Variants in RPS6KA5 observed in about 807,000 individuals in gnomAD.
RPS6KA5 encodes ribosomal protein S6 kinase alpha-5.
RPS6KA5 carries 27 observed loss-of-function variants against 85.5 expected under a neutral mutation model. That is an observed-to-expected ratio of 0.32 (90% CI 0.23 to 0.44). The LOEUF (loss-of-function observed/expected upper bound fraction) is 0.44, where lower values mean the gene tolerates loss of function less well. Ranked by LOEUF, RPS6KA5 falls within the 20% of genes least tolerant of loss-of-function variation. The pLI is 1.00. For synonymous variants in RPS6KA5, 334 were observed against 348.2 expected (o/e 0.96, Z 0.46); for missense variants, 811 against 980.9 (o/e 0.83, Z 2.31).
At chr14:90,896,839 G>T (rs1334739020) in intron 12 of RPS6KA5, among the ~76,000 whole-genome samples, 1 of 152,040 alleles carries the variant, frequency 6.6e-6, no homozygotes, top group Non-Finnish European at 1.5e-5. Flanking sequence ...TCCCACCTCA[G>T]CCTCCAGAGT....
rs547724965 is a variant in RPS6KA5, at chr14:90,869,319, A to G, written c.*2755T>C. 3 of 152,268 alleles carry G rather than the reference A, an allele frequency of 2.0e-5. No individual in the cohort carries two copies. Among genetic ancestry groups the G allele is most frequent in the East Asian group, 1.9e-4 (1 of 5,184 alleles). 9.4% of individuals were successfully genotyped at this position (152,268 alleles called of 1,614,324 possible). On this transcript the variant is annotated 3_prime_UTR_variant, in exon 17 of 17. Coordinates refer to ENST00000614987, the MANE Select transcript of RPS6KA5 (RefSeq NM_004755.4). ...AAGGATTACAGGCCTGAGCCACCAC[A>G]CTCAGCCAATCAATTTCAAAATGCT... is the stretch of plus-strand genomic sequence containing the variant.
chr14:90,946,810 A>G (rs1429820480), intron 4 of RPS6KA5, among the ~76,000 whole-genome samples: 1 of 152,232 alleles, frequency 6.6e-6, no homozygotes, highest in East Asian at 1.9e-4. Context: ...TCTTGGCTCA[A>G]GATTAATGGT....
chr14:90,900,286 T>C lies in RPS6KA5; in HGVS notation c.1246-45A>G, dbSNP rs746159914. The C allele has an allele frequency of 3.3e-5, 47 of 1,413,898 alleles. 1 individual carries two copies. In the Middle Eastern group the frequency reaches 2.8e-3, roughly 85 times the overall value. 87.6% of individuals were successfully genotyped at this position (1,413,898 alleles called of 1,614,324 possible). A position where few individuals can be genotyped will look rare whatever the true frequency, so the allele number is the denominator to read the frequency against. Reference sequence around the variant, plus strand: ...ATTTAACTTCAGAAAATGTCAGTAATACACAAAGGATCAATAAAATTGTAG... The same window carrying C: ...ATTTAACTTCAGAAAATGTCAGTAACACACAAAGGATCAATAAAATTGTAG... On this transcript the variant is annotated intron_variant, in intron 10 of 16. Coordinates refer to ENST00000614987, the MANE Select transcript of RPS6KA5 (RefSeq NM_004755.4).
rs1008079294 is a variant in RPS6KA5, at chr14:90,857,965, T to C, written c.*14109A>G. ...AACCGGGTGCCTTCACATATGACCA[T>C]GTGACAACCAAGTTATCAATGCCAG... On this transcript the variant is annotated 3_prime_UTR_variant, in exon 17 of 17. Transcript: ENST00000614987. The C allele has an allele frequency of 1.3e-5, 2 of 152,162 alleles. No individual in the cohort carries two copies. The highest frequency in any genetic ancestry group is 2.9e-5 in the Non-Finnish European group (2 of 68,026). The allele number at this position is 152,162 out of a possible 1,614,324, so 9.4% of individuals were successfully genotyped here.
intron 12 of RPS6KA5, among the ~76,000 whole-genome samples, chr14:90,896,869 C>A (rs1255380127): frequency 6.6e-6 from 1 of 152,054 alleles, no homozygotes; most frequent in Non-Finnish European, 1.5e-5. Context: ...TACAGGCGCA[C>A]AACACCACGC....
At chr14:90,920,096 CTT>C (rs774988447) in intron 7 of RPS6KA5, 108 bp downstream of exon 7, 43 of 768,574 alleles carry the variant, frequency 5.6e-5, no homozygotes, top group Non-Finnish European at 8.2e-5. Context: ...ATAAACATCA[CTT>C]TGTCTATCCT....
chr14:91,017,658 A>G (rs1347058960), intron 1 of RPS6KA5, among the ~76,000 whole-genome samples: 1 of 152,170 alleles, frequency 6.6e-6, no homozygotes, highest in Non-Finnish European at 1.5e-5. Flanking sequence ...AGCCAGAGTT[A>G]ATGGATTCAG....
chr14:91,057,857 T>C (rs561348232), intron 1 of RPS6KA5, among the ~76,000 whole-genome samples: 12 of 152,376 alleles, frequency 7.9e-5, no homozygotes, highest in African/African-American at 2.9e-4. Flanking sequence ...AGATTAAAGA[T>C]GTGAATCTGA....
rs1317562524 is a variant in RPS6KA5, at chr14:91,020,641, T to TGTGC, written c.104-19483_104-19482insGCAC. ...GTGTGTGTGTGTGTGTGTGTGTGTGTGTGTGTGTGTTTATATGTGTATGTG... is the reference window on the plus strand; with the variant it reads ...GTGTGTGTGTGTGTGTGTGTGTGTGTGTGCGTGTGTGTGTTTATATGTGTATGTG... On this transcript the variant is annotated intron_variant, in intron 1 of 16. Coordinates refer to ENST00000614987, the MANE Select transcript of RPS6KA5 (RefSeq NM_004755.4). 2.9e-4 allele frequency among the ~76,000 whole-genome samples: 44 copies of TGTGC among 151,330 alleles called. 1 individual carries two copies. Among genetic ancestry groups the TGTGC allele is most frequent in the Non-Finnish European group, 5.6e-4 (38 of 67,770 alleles).
intron 2 of RPS6KA5, among the ~76,000 whole-genome samples, chr14:90,983,068 G>A (rs1051321742): frequency 2.0e-5 from 3 of 151,424 alleles, no homozygotes; most frequent in Non-Finnish European, 2.9e-5. Context: ...AGCCAAGATC[G>A]TGCCACTGCA....
intron 1 of RPS6KA5, among the ~76,000 whole-genome samples, chr14:91,026,133 A>G (rs2041982524): frequency 1.3e-5 from 2 of 152,234 alleles, no homozygotes; most frequent in African/African-American, 2.4e-5. Context: ...CTTCTAGTAT[A>G]ATGGCATCCA....
Position 90,862,422 on chromosome 14 carries a change from G to GTCC in RPS6KA5, c.*9649_*9651dup. ...TTAAAGACAGAAAAATTACAGGTCT[G>GTCC]TCCTTCTTCTTCCTCCTCCTCCTCC... is the stretch of plus-strand genomic sequence containing the variant. On this transcript the variant is annotated 3_prime_UTR_variant, in exon 17 of 17. Coordinates refer to ENST00000614987, the MANE Select transcript of RPS6KA5 (RefSeq NM_004755.4). The GTCC allele has an allele frequency of 6.7e-6, 1 of 149,864 alleles. No individual in the cohort carries two copies. The highest frequency in any genetic ancestry group is 1.5e-5 in the Non-Finnish European group (1 of 67,546). 9.3% of individuals were successfully genotyped at this position (149,864 alleles called of 1,614,324 possible). A position where few individuals can be genotyped will look rare whatever the true frequency, so the allele number is the denominator to read the frequency against.
intron 1 of RPS6KA5, among the ~76,000 whole-genome samples, chr14:91,008,002 A>G (rs1422885498): frequency 6.6e-6 from 1 of 152,176 alleles, no homozygotes; most frequent in Non-Finnish European, 1.5e-5. Context: ...TGGCTTCCTA[A>G]CTTTCTAAGC....
In RPS6KA5 at chr14:90,863,318, A is replaced by C; in HGVS notation, c.*8756T>G. On this transcript the variant is annotated 3_prime_UTR_variant, in exon 17 of 17. Coordinates refer to ENST00000614987, the MANE Select transcript of RPS6KA5 (RefSeq NM_004755.4). ...ACTCCGTCTCAAAAAAAAAAAAAAA[A>C]AAAAAAAAAAAAGAAAAGAAAAGAA... The C allele has an allele frequency of 6.8e-6, 1 of 147,234 alleles. No homozygotes were observed. Among genetic ancestry groups the C allele is most frequent in the Non-Finnish European group, 1.5e-5 (1 of 66,816 alleles). 9.1% of individuals were successfully genotyped at this position (147,234 alleles called of 1,614,324 possible).
chr14:90,906,439 T>C (rs1289652675), intron 7 of RPS6KA5, 140 bp from the exon 8 acceptor site: 1 of 569,872 alleles, frequency 1.8e-6, no homozygotes, highest in Non-Finnish European at 2.8e-6. Flanking sequence ...ACCTCAATAC[T>C]GTTGAAAAAA....
chr14:90,893,897 T>A, intron 13 of RPS6KA5: 1 of 600,800 alleles, frequency 1.7e-6, no homozygotes, highest in Non-Finnish European at 2.1e-6. Context: ...TATAGTTCTA[T>A]AAATATTATA....
In RPS6KA5 at chr14:90,872,130, GA is replaced by G; in HGVS notation, c.2352del (p.Pro785LeufsTer17). 1 of 1,613,942 alleles carries G rather than the reference GA, an allele frequency of 6.2e-7. No homozygotes were observed. The highest frequency in any genetic ancestry group is 1.1e-5 in the South Asian group (1 of 91,022). Reference protein sequence around the residue: ...TTPTKTLQPSNPADSNNPETL... With the variant: ...TTPTKTLQPSXPADSNNPETL... ...GTCTCCGGGTTATTGCTGTCGGCAG[GA>G]TTGCTGGGCTGCAGTGTCTTGGTGG... On this transcript the variant is annotated frameshift_variant, in exon 17 of 17. Coordinates refer to ENST00000614987, the MANE Select transcript of RPS6KA5 (RefSeq NM_004755.4). LOFTEE classifies it high-confidence loss of function.
rs532149672 is a variant in RPS6KA5, at chr14:90,985,285, A to G, written c.176-6761T>C. Among the ~76,000 whole-genome samples the G allele has an allele frequency of 5.3e-5, 8 of 152,364 alleles. No individual in the cohort carries two copies. In the South Asian group the frequency reaches 1.7e-3, roughly 32 times the overall value. Reference sequence around the variant, plus strand: ...TAAAATGGTATGAGGTTAATTTGTTAGAAAATATTTTTAATTTGTAAAAAC... The same window carrying G: ...TAAAATGGTATGAGGTTAATTTGTTGGAAAATATTTTTAATTTGTAAAAAC... On this transcript the variant is annotated intron_variant, in intron 2 of 16. Coordinates refer to ENST00000614987, the MANE Select transcript of RPS6KA5 (RefSeq NM_004755.4).
intron 14 of RPS6KA5, among the ~76,000 whole-genome samples, chr14:90,887,065 G>A (rs1036282336): frequency 6.6e-6 from 1 of 152,112 alleles, no homozygotes; most frequent in Non-Finnish European, 1.5e-5. Flanking sequence ...TTTGTATCTA[G>A]ATATGCATTC....
Sources: allele counts gnomAD v4.1 joint callset (sites outside exome capture counted in the v4.1 genomes callset), GRCh38; gene constraint gnomAD v4.1.1; transcripts MANE v1.5; gene names NCBI Gene and HGNC (gene_info 2026-07-23, HGNC 2026-07-21).